ASIC2: variants seen among roughly 807,000 people sequenced by gnomAD.
ASIC2 encodes the protein acid-sensing ion channel 2.
Under a neutral mutation model 57.3 loss-of-function variants are expected in ASIC2, and 25 were observed. The observed-to-expected ratio is 0.44, with a 90% CI of 0.32 to 0.61. The LOEUF (loss-of-function observed/expected upper bound fraction) is 0.61. ASIC2 is among the 20% of genes least tolerant of loss of function. The pLI is 0.06. For missense variants in ASIC2, 641 were observed against 738.1 expected, an observed-to-expected ratio of 0.87 and a Z score of 1.52; for synonymous variants, 319 against 307.5, an observed-to-expected ratio of 1.04 and a Z score of -0.39.
At chr17:33,944,309 G>A (rs563632425) in intron 1 of ASIC2, among the ~76,000 whole-genome samples, 2 of 152,228 alleles carry the variant, frequency 1.3e-5, no homozygotes, top group African/African-American at 4.8e-5. Flanking sequence ...ACTCCTATGA[G>A]ACTACCCAGC....
chr17:33,789,464 T>TCA (rs3064584), intron 1 of ASIC2, among the ~76,000 whole-genome samples: 6,841 of 144,392 alleles, frequency 0.047, 270 homozygotes, highest in East Asian at 0.23. Flanking sequence ...AGAATCATGG[T>TCA]CACACACACA....
chr17:33,168,988 A>G (rs1488327166), intron 1 of ASIC2, among the ~76,000 whole-genome samples: 3 of 152,208 alleles, frequency 2.0e-5, no homozygotes, highest in African/African-American at 7.2e-5. Context: ...GAAATCTTCA[A>G]GGATGCCTGT....
chr17:33,326,860 C>A (rs1297098236), intron 1 of ASIC2, among the ~76,000 whole-genome samples: 1 of 152,210 alleles, frequency 6.6e-6, no homozygotes, highest in African/African-American at 2.4e-5. Context: ...TCCACACCCA[C>A]AACACTGCTC....
At chr17:34,155,527 G>C in intron 1 of ASIC2, 1 of 172,708 alleles carries the variant, frequency 5.8e-6, no homozygotes. Flanking sequence ...CTCCAGCCCA[G>C]CCCACAGGAT....
At chr17:33,066,728 G>A (rs1009293243) in intron 3 of ASIC2, among the ~76,000 whole-genome samples, 2 of 152,144 alleles carry the variant, frequency 1.3e-5, no homozygotes, top group Non-Finnish European at 2.9e-5. Flanking sequence ...TTTTGGAGGT[G>A]AGCTACCTGC....
At chr17:33,653,482 A>G (rs1005398362) in intron 1 of ASIC2, among the ~76,000 whole-genome samples, 2 of 152,220 alleles carry the variant, frequency 1.3e-5, no homozygotes, top group African/African-American at 2.4e-5. Flanking sequence ...TCTCCATGCA[A>G]TTTAAAAATG....
intron 1 of ASIC2, among the ~76,000 whole-genome samples, chr17:34,094,044 A>T (rs1302456263): frequency 6.6e-6 from 1 of 152,170 alleles, no homozygotes; most frequent in South Asian, 2.1e-4. Context: ...CTGAAAGTGG[A>T]TATTGACAGG....
At chr17:33,469,760 G>C (rs1912982385) in intron 1 of ASIC2, among the ~76,000 whole-genome samples, 1 of 152,068 alleles carries the variant, frequency 6.6e-6, no homozygotes, top group African/African-American at 2.4e-5. Flanking sequence ...AAGTATACAG[G>C]GAAGCCCATA....
intron 1 of ASIC2, among the ~76,000 whole-genome samples, chr17:33,851,147 CTG>C (rs1475340089): frequency 2.6e-5 from 4 of 152,306 alleles, no homozygotes; most frequent in Non-Finnish European, 4.4e-5. Flanking sequence ...AGTTTAAAGA[CTG>C]TAGGTTTTTG....
chr17:33,735,768 C>G (rs1376627833), intron 1 of ASIC2, among the ~76,000 whole-genome samples: 2 of 152,078 alleles, frequency 1.3e-5, no homozygotes, highest in Non-Finnish European at 2.9e-5. Context: ...TGAATCAATT[C>G]TAATGATTAG....
intron 3 of ASIC2, among the ~76,000 whole-genome samples, chr17:33,048,108 G>C (rs951202943): frequency 3.9e-5 from 6 of 152,194 alleles, no homozygotes; most frequent in East Asian, 1.9e-4. Context: ...CTCTCTCCAC[G>C]TGAGCACTGA....
intron 1 of ASIC2, among the ~76,000 whole-genome samples, chr17:33,250,443 C>G (rs1013503415): frequency 2.0e-5 from 3 of 152,194 alleles, no homozygotes; most frequent in African/African-American, 7.2e-5. Context: ...ATGCCACCAG[C>G]TCCCAGAAAA....
chr17:33,544,466 A>G (rs930824023), intron 1 of ASIC2, among the ~76,000 whole-genome samples: 2 of 152,134 alleles, frequency 1.3e-5, no homozygotes, highest in Non-Finnish European at 2.9e-5. Context: ...AACCTACTGA[A>G]CCATTTTCTA....
chr17:33,813,425 GT>G (rs1231466639), intron 1 of ASIC2, among the ~76,000 whole-genome samples: 1 of 152,106 alleles, frequency 6.6e-6, no homozygotes, highest in Admixed American at 6.5e-5. Flanking sequence ...TTAAAGCCAA[GT>G]TTTTTTGTTT....
At chr17:33,965,315 TTA>T (rs1905043730) in intron 1 of ASIC2, among the ~76,000 whole-genome samples, 1 of 152,172 alleles carries the variant, frequency 6.6e-6, no homozygotes, top group Admixed American at 6.5e-5. Flanking sequence ...CTCCTGCCCT[TTA>T]TATTCCACTG....
intron 1 of ASIC2, chr17:34,037,254 T>C (rs1440520980): frequency 5.5e-6 from 1 of 183,196 alleles, no homozygotes; most frequent in Non-Finnish European, 1.2e-5. Flanking sequence ...AGTCTGTATT[T>C]TCAAGTCCAC....
intron 1 of ASIC2, among the ~76,000 whole-genome samples, chr17:33,801,472 G>C (rs914717547): frequency 6.6e-6 from 1 of 152,070 alleles, no homozygotes; most frequent in African/African-American, 2.4e-5. Context: ...GACATTTATG[G>C]TTTGGGTGGA....
intron 1 of ASIC2, among the ~76,000 whole-genome samples, chr17:34,126,728 G>A (rs1206266459): frequency 6.6e-6 from 1 of 152,174 alleles, no homozygotes; most frequent in Non-Finnish European, 1.5e-5. Flanking sequence ...GGGGATGGAG[G>A]TGGATGGGAC....
At chr17:33,454,961 G>A (rs1444459570) in intron 1 of ASIC2, among the ~76,000 whole-genome samples, 2 of 152,030 alleles carry the variant, frequency 1.3e-5, no homozygotes, top group African/African-American at 4.8e-5. Context: ...TATCTAATTG[G>A]GTATTGAATT....
Sources: allele counts gnomAD v4.1 joint callset (sites outside exome capture counted in the v4.1 genomes callset), GRCh38; gene constraint gnomAD v4.1.1; transcripts MANE v1.5; gene names NCBI Gene and HGNC (gene_info 2026-07-23, HGNC 2026-07-21).